RBM17: variants seen among roughly 807,000 people sequenced by gnomAD.
The protein encoded by RBM17 is splicing factor 45.
In RBM17, 7 loss-of-function variants were observed where a neutral mutation model predicts 53.2. The ratio of observed to expected loss-of-function variants is 0.13; its 90% CI spans 0.07 to 0.25. The LOEUF is 0.25. Among genes scored for constraint, RBM17 ranks in the 10% least tolerant of loss-of-function variants. RBM17 has a pLI of 1.00. For missense variants in RBM17, 257 were observed against 496.7 expected (o/e 0.52, Z 4.59); for synonymous variants, 167 against 178.1 (o/e 0.94, Z 0.50).
intron 2 of RBM17, among the ~76,000 whole-genome samples, chr10:6,099,999 A>G (rs1221291534): frequency 6.6e-6 from 1 of 152,150 alleles, no homozygotes; most frequent in African/African-American, 2.4e-5. Context: ...CGGAGGTTGC[A>G]GTGAGCCGAG....
Position 6,089,876 on chromosome 10 carries a change from G to C in RBM17, c.-19+683G>C, listed in dbSNP as rs78205728. 3 of 152,408 alleles carry C rather than the reference G, an allele frequency of 2.0e-5. No individual in the cohort carries two copies. The South Asian group carries it at 6.2e-4, about 32-fold the overall frequency. The allele number at this position is 152,408 out of a possible 1,614,324, so 9.4% of individuals were successfully genotyped here. On this transcript the variant is annotated intron_variant, in intron 1 of 11. Transcript: ENST00000379888. The surrounding 1 kb of genome is among the most constrained non-coding windows in gnomAD (Gnocchi z 5.6). ...GAGTTTGGTTTCTGGGAAAGCAGGC[G>C]TGAAAACCCAGGCCCGGGTTGATTT...
Position 6,115,999 on chromosome 10 carries a change from G to A in RBM17, c.*443G>A, listed in dbSNP as rs1840911183. The stretch of plus-strand genomic sequence containing the variant: ...AAATTGTAGTTTCATAAATTCTGTA[G>A]TAAAGTATCATCTTGGCAGTGTGCC... On this transcript the variant is annotated 3_prime_UTR_variant, in exon 12 of 12. Transcript: ENST00000379888. The A allele has an allele frequency of 6.6e-6, 1 of 152,550 alleles. No homozygotes were observed. Among genetic ancestry groups the A allele is most frequent in the Admixed American group, 6.6e-5 (1 of 15,262 alleles). 9.4% of individuals were successfully genotyped at this position (152,550 alleles called of 1,614,324 possible).
intron 2 of RBM17, among the ~76,000 whole-genome samples, chr10:6,100,165 T>G (rs1248220902): frequency 6.6e-6 from 1 of 152,268 alleles, no homozygotes; most frequent in East Asian, 1.9e-4. Flanking sequence ...CTTAAATTTA[T>G]AAGTATTGTT....
At chr10:6,098,563 G>GTTTTTTTTTTTTTTTTTT (rs398012715) in intron 2 of RBM17, among the ~76,000 whole-genome samples, 3 of 46,664 alleles carry the variant, frequency 6.4e-5, no homozygotes, top group African/African-American at 2.4e-4. Context: ...CAGGTTTTTT[G>GTTTTTTTTTTTTTTTTTT]TTTTTTTTTT....
At chr10:6,102,782 C>A (rs1487027093) in intron 3 of RBM17, among the ~76,000 whole-genome samples, 1 of 152,108 alleles carries the variant, frequency 6.6e-6, no homozygotes. Context: ...TTTATAAATA[C>A]CACTCTAATG....
intron 5 of RBM17, chr10:6,106,511 CTGCAGCA>C: frequency 3.2e-6 from 1 of 315,790 alleles, no homozygotes. Flanking sequence ...CTGTCTTTAC[CTGCAGCA>C]CAGTCCAGTT....
intron 10 of RBM17, chr10:6,114,559 A>G (rs1588353239): frequency 6.1e-6 from 1 of 162,814 alleles, no homozygotes; most frequent in South Asian, 1.7e-4. Context: ...GAAGAAACAC[A>G]TAAAATAACT....
intron 2 of RBM17, among the ~76,000 whole-genome samples, chr10:6,099,180 C>T (rs904686379): frequency 2.0e-5 from 3 of 151,932 alleles, no homozygotes; most frequent in African/African-American, 4.8e-5. Flanking sequence ...CCACCGTGCC[C>T]GGCCTCATAT....
intron 1 of RBM17, among the ~76,000 whole-genome samples, chr10:6,092,915 G>T (rs115264258): frequency 6.6e-6 from 1 of 152,182 alleles, no homozygotes; most frequent in Non-Finnish European, 1.5e-5. Context: ...AAACTTTTGC[G>T]CAATGCAGCA....
intron 10 of RBM17, 51 bp downstream of exon 10, chr10:6,114,198 T>C (rs1276102313): frequency 9.3e-7 from 1 of 1,074,394 alleles, no homozygotes; most frequent in Non-Finnish European, 1.4e-6. Flanking sequence ...ATTGGCACAT[T>C]ACAAAACATT....
intron 6 of RBM17, among the ~76,000 whole-genome samples, chr10:6,109,682 T>C (rs1245942082): frequency 6.6e-6 from 1 of 152,184 alleles, no homozygotes; most frequent in Non-Finnish European, 1.5e-5. Context: ...ACAGAACATC[T>C]TTCCGGCAAG....
At chr10:6,098,563 GTTTTTT>G (rs398012715) in intron 2 of RBM17, among the ~76,000 whole-genome samples, 2 of 46,642 alleles carry the variant, frequency 4.3e-5, no homozygotes, top group Admixed American at 5.3e-4. Flanking sequence ...CAGGTTTTTT[GTTTTTT>G]TTTTTTTTTT....
At chr10:6,113,419 AATT>A (rs1231193110) in intron 8 of RBM17, 86 bp from the exon 9 acceptor site, 9 of 866,102 alleles carry the variant, frequency 1.0e-5, no homozygotes, top group Non-Finnish European at 1.9e-6. Context: ...AAATTAAATT[AATT>A]ATTGTAAGTA....
At chr10:6,096,190 TA>T in intron 1 of RBM17, among the ~76,000 whole-genome samples, 1 of 151,904 alleles carries the variant, frequency 6.6e-6, no homozygotes, top group East Asian at 1.9e-4. Flanking sequence ...ATTTTTTTTT[TA>T]AAAAGTGGCA....
At chr10:6,104,465 C>G (rs1359891003) in intron 3 of RBM17, among the ~76,000 whole-genome samples, 1 of 152,192 alleles carries the variant, frequency 6.6e-6, no homozygotes, top group African/African-American at 2.4e-5. Flanking sequence ...TCTAAGATCT[C>G]CATATATTCT....
chr10:6,096,423 G>A (rs934968813), intron 1 of RBM17, among the ~76,000 whole-genome samples: 2 of 152,166 alleles, frequency 1.3e-5, no homozygotes, highest in Non-Finnish European at 2.9e-5. Context: ...CGGAAGCTGT[G>A]TGTTGCTCGT....
At chr10:6,110,841 C>T (rs1303528221) in intron 7 of RBM17, among the ~76,000 whole-genome samples, 1 of 152,160 alleles carries the variant, frequency 6.6e-6, no homozygotes, top group Non-Finnish European at 1.5e-5. Flanking sequence ...CTTTCAAGTG[C>T]TCAGTGACCA....
chr10:6,098,455 A>G (rs1840611944), intron 2 of RBM17, among the ~76,000 whole-genome samples: 1 of 151,756 alleles, frequency 6.6e-6, no homozygotes, highest in African/African-American at 2.4e-5. Context: ...GAACAGAACT[A>G]CCCATGAGTT....
At chr10:6,107,455 G>A (rs963962258) in intron 5 of RBM17, among the ~76,000 whole-genome samples, 1 of 135,988 alleles carries the variant, frequency 7.4e-6, no homozygotes, top group Non-Finnish European at 1.6e-5. Flanking sequence ...TGGGATTACA[G>A]GTATGAGCCA....
Sources: gnomAD v4.1 joint callset for allele counts (sites outside exome capture counted in the v4.1 genomes callset) on GRCh38, gnomAD v4.1.1 for gene constraint, Gnocchi (gnomAD v3.1) non-coding constraint, MANE v1.5 for transcripts, NCBI Gene and HGNC (gene_info 2026-07-23, HGNC 2026-07-21) for gene names.